BRI3BP: variants seen among roughly 807,000 people sequenced by gnomAD.
The protein encoded by BRI3BP is BRI3-binding protein.
BRI3BP carries 7 observed loss-of-function variants against 15.8 expected under a neutral mutation model. The observed-to-expected ratio is 0.44, with a 90% CI of 0.25 to 0.83. BRI3BP has a LOEUF of 0.83. BRI3BP is among the 40% of genes least tolerant of loss of function. BRI3BP has a pLI of 0.20. For missense variants in BRI3BP, 320 were observed against 339.3 expected (o/e 0.94, Z 0.45); for synonymous variants, 192 against 163.5 (o/e 1.17, Z -1.33).
the BRI3BP span, among the ~76,000 whole-genome samples, chr12:125,036,504 G>T: frequency 6.6e-6 from 1 of 151,966 alleles, no homozygotes; most frequent in Non-Finnish European, 1.5e-5. Flanking sequence ...TGTAGATAAT[G>T]CTAGGTTTAG....
At chr12:124,994,528 T>G (rs996810265) in intron 1 of BRI3BP, among the ~76,000 whole-genome samples, 1 of 152,134 alleles carries the variant, frequency 6.6e-6, no homozygotes, top group South Asian at 2.1e-4. Flanking sequence ...AGCAATGCGA[T>G]TTGCTCGGTG....
the BRI3BP span, among the ~76,000 whole-genome samples, chr12:125,039,519 C>G: frequency 6.6e-6 from 1 of 152,178 alleles, no homozygotes; most frequent in Admixed American, 6.5e-5. Context: ...GGAGATAAAA[C>G]AAGTGGACTA....
intron 1 of BRI3BP, among the ~76,000 whole-genome samples, chr12:124,994,970 C>G (rs1331445967): frequency 6.6e-6 from 1 of 152,172 alleles, no homozygotes; most frequent in Non-Finnish European, 1.5e-5. Flanking sequence ...CATTCCCCTT[C>G]ATTGCGAGGT....
At chr12:125,049,221 G>A in the BRI3BP span, among the ~76,000 whole-genome samples, 4 of 152,204 alleles carry the variant, frequency 2.6e-5, no homozygotes, top group South Asian at 8.3e-4. Flanking sequence ...GCCGGGCCAA[G>A]AGAGCCCAGA....
At chr12:125,034,063 T>A (rs1220498244), downstream of BRI3BP, among the ~76,000 whole-genome samples, 2 of 146,972 alleles carry the variant, frequency 1.4e-5, no homozygotes, top group Non-Finnish European at 3.0e-5. Context: ...TGTTTTGGTT[T>A]GAGGCGGAGT....
the BRI3BP span, among the ~76,000 whole-genome samples, chr12:125,038,413 T>C: frequency 6.6e-6 from 1 of 152,316 alleles, no homozygotes; most frequent in East Asian, 1.9e-4. Context: ...CTAAAAGAAA[T>C]GAGTTCTCAA....
intron 1 of BRI3BP, among the ~76,000 whole-genome samples, chr12:125,004,482 TA>T (rs1376358934): frequency 7.2e-5 from 11 of 151,892 alleles, no homozygotes; most frequent in East Asian, 3.8e-4. Flanking sequence ...AAGCCTTTTT[TA>T]AAAAAAAATT....
chr12:125,040,493 C>T, the BRI3BP span, among the ~76,000 whole-genome samples: 1 of 149,426 alleles, frequency 6.7e-6, no homozygotes, highest in Non-Finnish European at 1.5e-5. Context: ...TACAGGCATG[C>T]GCCACCACAC....
At chr12:124,996,646 A>G (rs1955043103) in intron 1 of BRI3BP, among the ~76,000 whole-genome samples, 2 of 151,886 alleles carry the variant, frequency 1.3e-5, no homozygotes, top group African/African-American at 4.8e-5. Context: ...ATTTTAAATA[A>G]AGGAAAACTG....
chr12:125,047,472 CT>C, the BRI3BP span, among the ~76,000 whole-genome samples: 1 of 150,388 alleles, frequency 6.6e-6, no homozygotes, highest in Non-Finnish European at 1.5e-5. Flanking sequence ...CGCACCCGGC[CT>C]TTTTTTTTCT....
At chr12:125,007,221 A>C (rs1212864662) in intron 1 of BRI3BP, among the ~76,000 whole-genome samples, 2 of 151,898 alleles carry the variant, frequency 1.3e-5, no homozygotes, top group East Asian at 3.9e-4. Flanking sequence ...ATAAATTGCC[A>C]TGTATTGACA....
chr12:124,995,568 T>C (rs1955033911), intron 1 of BRI3BP, among the ~76,000 whole-genome samples: 1 of 152,184 alleles, frequency 6.6e-6, no homozygotes, highest in African/African-American at 2.4e-5. Flanking sequence ...GCAGAGCATC[T>C]CCGAATCTGG....
chr12:125,006,400 G>C (rs1955144235), intron 1 of BRI3BP, among the ~76,000 whole-genome samples: 1 of 152,198 alleles, frequency 6.6e-6, no homozygotes, highest in Admixed American at 6.6e-5. Context: ...TCCTGCCCGG[G>C]GCCAGTTTTC....
intron 1 of BRI3BP, among the ~76,000 whole-genome samples, chr12:125,001,891 T>A (rs1464225936): frequency 2.0e-5 from 3 of 152,174 alleles, no homozygotes; most frequent in African/African-American, 7.2e-5. Flanking sequence ...AGTCACTACT[T>A]TTTTCCTTTG....
At chr12:124,994,850 G>A (rs930020934) in intron 1 of BRI3BP, among the ~76,000 whole-genome samples, 1 of 152,186 alleles carries the variant, frequency 6.6e-6, no homozygotes, top group Non-Finnish European at 1.5e-5. Context: ...TGGGGTTTTG[G>A]AGTCAGAGAA....
downstream of BRI3BP, among the ~76,000 whole-genome samples, chr12:125,034,381 A>G (rs1360927036): frequency 2.6e-5 from 4 of 152,200 alleles, no homozygotes; most frequent in African/African-American, 9.6e-5. Flanking sequence ...AAACAGCTTT[A>G]TCAATGTAAA....
At chr12:125,039,867 C>T in the BRI3BP span, among the ~76,000 whole-genome samples, 2 of 152,240 alleles carry the variant, frequency 1.3e-5, no homozygotes, top group South Asian at 2.1e-4. Context: ...TTCTAGAGGC[C>T]ACGAGATGTG....
intron 1 of BRI3BP, among the ~76,000 whole-genome samples, chr12:125,002,455 TG>T (rs1565902216): frequency 1.1e-4 from 16 of 144,336 alleles, no homozygotes; most frequent in Admixed American, 2.9e-4. Flanking sequence ...TTTTTTTTTT[TG>T]TTTTGTTTTT....
In BRI3BP at chr12:124,993,976, C is replaced by T. The variant is rs143382069; in HGVS notation, c.186C>T (p.Gly62=). ...CCCAGAGCGTCAGCAGCCTGTTCGG[C>T]GAGGACAACGTGCGCGCCGCTCAGA... ...TFSQSVSSLF[G]EDNVRAAQKF... Residue 62 remains glycine (G), a synonymous_variant, in exon 1 of 3, where the codon GGC becomes GGT. Transcript: ENST00000341446. 5,432 of 1,357,346 alleles carry T rather than the reference C, an allele frequency of 4.0e-3. 17 individuals are homozygous for T. Among genetic ancestry groups the T allele is most frequent in the Non-Finnish European group, 4.8e-3 (5,015 of 1,039,502 alleles). The allele number at this position is 1,357,346 out of a possible 1,614,324, so 84.1% of individuals were successfully genotyped here.
Sources: gnomAD v4.1 joint callset for allele counts (sites outside exome capture counted in the v4.1 genomes callset) on GRCh38, gnomAD v4.1.1 for gene constraint, MANE v1.5 for transcripts, NCBI Gene and HGNC (gene_info 2026-07-23, HGNC 2026-07-21) for gene names.